The following PALLD variants were observed in gnomAD, a reference collection of about 807,000 sequenced individuals.
PALLD encodes the protein palladin.
PALLD carries 61 observed loss-of-function variants against 123.5 expected under a neutral mutation model. The ratio of observed to expected loss-of-function variants is 0.49; its 90% confidence interval spans 0.40 to 0.61. The LOEUF (loss-of-function observed/expected upper bound fraction) is 0.61, where lower values mean the gene tolerates loss of function less well. PALLD is among the 20% of genes least tolerant of loss of function. The probability of loss-of-function intolerance (pLI) is 0.00; values close to 1 mark genes in which losing one functional copy is unlikely to be tolerated. For synonymous variants in PALLD, 465 were observed against 496.4 expected (o/e 0.94, Z 0.84); for missense variants, 1,273 against 1,377.0 (o/e 0.92, Z 1.20).
At chr4:168,768,325 A>G (rs1421461250) in intron 10 of PALLD, among the ~76,000 whole-genome samples, 1 of 152,210 alleles carries the variant, frequency 6.6e-6, no homozygotes, top group Non-Finnish European at 1.5e-5. Flanking sequence ...AGGAAAAGCT[A>G]AAACATCCGC....
intron 10 of PALLD, among the ~76,000 whole-genome samples, chr4:168,742,640 G>A (rs1283542106): frequency 1.3e-5 from 2 of 152,152 alleles, no homozygotes; most frequent in Admixed American, 1.3e-4. Context: ...CAACTATGGT[G>A]AAAGAAAATC....
intron 10 of PALLD, among the ~76,000 whole-genome samples, chr4:168,755,232 C>CAG (rs1491121311): frequency 3.8e-5 from 4 of 104,542 alleles, no homozygotes; most frequent in African/African-American, 1.1e-4. Flanking sequence ...GACTCCGTCT[C>CAG]AAAAAAAAAA....
chr4:168,622,163 C>T (rs576512077), intron 2 of PALLD, among the ~76,000 whole-genome samples: 2 of 152,212 alleles, frequency 1.3e-5, no homozygotes, highest in Non-Finnish European at 2.9e-5. Flanking sequence ...CACACATACA[C>T]ACAGCCCCTC....
At chr4:168,744,927 A>C (rs1788705090) in intron 10 of PALLD, among the ~76,000 whole-genome samples, 1 of 152,180 alleles carries the variant, frequency 6.6e-6, no homozygotes, top group African/African-American at 2.4e-5. Context: ...TAGGCGTATT[A>C]AATGCATTCT....
chr4:168,504,997 A>G (rs1761857849), intron 1 of PALLD: 1 of 152,170 alleles, frequency 6.6e-6, no homozygotes, highest in Non-Finnish European at 1.5e-5. Flanking sequence ...ATCTCAGGCA[A>G]ATGATGGAGA....
intron 10 of PALLD, among the ~76,000 whole-genome samples, chr4:168,763,739 C>G (rs1383674661): frequency 6.6e-6 from 1 of 152,144 alleles, no homozygotes; most frequent in Admixed American, 6.6e-5. Flanking sequence ...CCATTGTACC[C>G]TGGCCATGGT....
At chr4:168,860,190 A>G (rs1466142299) in intron 10 of PALLD, among the ~76,000 whole-genome samples, 1 of 152,092 alleles carries the variant, frequency 6.6e-6, no homozygotes, top group African/African-American at 2.4e-5. Context: ...GCGTCTGAAA[A>G]CTGCTGCTGA....
intron 3 of PALLD, among the ~76,000 whole-genome samples, chr4:168,674,056 A>T (rs1780585291): frequency 6.6e-6 from 1 of 152,106 alleles, no homozygotes; most frequent in African/African-American, 2.4e-5. Context: ...CTGGGACTAC[A>T]GTCACGAGCC....
At chr4:168,714,317 T>C (rs1340874278) in intron 10 of PALLD, among the ~76,000 whole-genome samples, 1 of 152,148 alleles carries the variant, frequency 6.6e-6, no homozygotes, top group Non-Finnish European at 1.5e-5. Flanking sequence ...TTTCAGTGTT[T>C]GTTCAGTTTT....
intron 10 of PALLD, among the ~76,000 whole-genome samples, chr4:168,854,578 G>A (rs534197277): frequency 2.4e-4 from 37 of 152,300 alleles, no homozygotes; most frequent in African/African-American, 8.9e-4. Context: ...CAAAGAGCAA[G>A]GGTTCCAGGT....
intron 2 of PALLD, among the ~76,000 whole-genome samples, chr4:168,611,448 C>T (rs1364472186): frequency 2.0e-5 from 3 of 152,198 alleles, no homozygotes; most frequent in Non-Finnish European, 2.9e-5. Context: ...AAAGCACAAA[C>T]ACAAAGGTAG....
intron 2 of PALLD, among the ~76,000 whole-genome samples, chr4:168,630,857 G>T (rs182520893): frequency 2.6e-5 from 4 of 152,174 alleles, no homozygotes; most frequent in African/African-American, 9.7e-5. Context: ...CAAATAGCTA[G>T]GTCTTTATTA....
chr4:168,849,601 T>C (rs1747436874), intron 10 of PALLD, among the ~76,000 whole-genome samples: 1 of 152,336 alleles, frequency 6.6e-6, no homozygotes, highest in East Asian at 1.9e-4. Context: ...ATCCAAACCA[T>C]GCTTAATATT....
At chr4:168,519,404 C>G (rs574285840) in intron 2 of PALLD, among the ~76,000 whole-genome samples, 4 of 152,314 alleles carry the variant, frequency 2.6e-5, no homozygotes, top group African/African-American at 9.6e-5. Context: ...CCCATAAAAA[C>G]CATCCAGAAA....
At chr4:168,685,176 A>G (rs1781910369) in intron 5 of PALLD, among the ~76,000 whole-genome samples, 1 of 152,226 alleles carries the variant, frequency 6.6e-6, no homozygotes, top group African/African-American at 2.4e-5. Context: ...AACTTTAAAA[A>G]AGACGCATGT....
rs191813334 is a variant in PALLD at position 168,739,012 on chromosome 4, G to A, written c.1964+27089G>A. 2.4e-3 allele frequency among the ~76,000 whole-genome samples: 366 copies of A among 152,234 alleles called. 2 individuals are homozygous for A. The highest frequency in any genetic ancestry group is 6.8e-3 in the Middle Eastern group (2 of 294). On this transcript the variant is annotated intron_variant, in intron 10 of 21. Coordinates refer to ENST00000505667, the MANE Select transcript of PALLD (RefSeq NM_001166108.2). The stretch of plus-strand genomic sequence containing the variant: ...ACATTTTTAGTTCCCATGTATGAGT[G>A]GAACATGCAATATTTGTTTTTCTTT...
intron 2 of PALLD, chr4:168,598,316 T>G: frequency 2.2e-6 from 1 of 451,260 alleles, no homozygotes; most frequent in Non-Finnish European, 4.4e-6. Flanking sequence ...ATCATTGTCT[T>G]CTGGGTTTGG....
At chr4:168,788,522 G>A (rs1737064655) in intron 10 of PALLD, among the ~76,000 whole-genome samples, 1 of 152,122 alleles carries the variant, frequency 6.6e-6, no homozygotes, top group Admixed American at 6.5e-5. Flanking sequence ...CAGTGAAATC[G>A]TTCTGTGTGG....
At chr4:168,788,428 T>A (rs1737054523) in intron 10 of PALLD, among the ~76,000 whole-genome samples, 1 of 152,154 alleles carries the variant, frequency 6.6e-6, no homozygotes, top group Non-Finnish European at 1.5e-5. Flanking sequence ...AAGGCAAAAC[T>A]ATAGAGTCAG....
Sources: allele counts gnomAD v4.1 joint callset (sites outside exome capture counted in the v4.1 genomes callset), GRCh38; gene constraint gnomAD v4.1.1; transcripts MANE v1.5; gene names NCBI Gene and HGNC (gene_info 2026-07-23, HGNC 2026-07-21).